The following COL27A1 variants were observed in gnomAD, a reference collection of about 807,000 sequenced individuals.
COL27A1 encodes the protein collagen alpha-1(XXVII) chain.
Under a neutral mutation model 251.3 loss-of-function variants are expected in COL27A1, and 106 were observed. The ratio of observed to expected loss-of-function variants is 0.42; its 90% CI spans 0.36 to 0.50. The LOEUF (loss-of-function observed/expected upper bound fraction) is 0.50. Among genes scored for constraint, COL27A1 ranks in the 20% least tolerant of loss-of-function variants. COL27A1 has a pLI of 0.00. For synonymous variants in COL27A1, 1,000 were observed against 986.3 expected, an observed-to-expected ratio of 1.01 and a Z score of -0.26; for missense variants, 2,325 against 2,522.8, an observed-to-expected ratio of 0.92 and a Z score of 1.68.
chr9:114,154,176 C>T (rs965986375), upstream of COL27A1, among the ~76,000 whole-genome samples: 5 of 151,998 alleles, frequency 3.3e-5, no homozygotes, highest in African/African-American at 1.2e-4. This position sits in a 1 kb window ranked among gnomAD's most constrained non-coding sequence, Gnocchi z 5.8. Flanking sequence ...CGAGCGCAGG[C>T]GGACCGGGTC....
At chr9:114,309,209 G>T (rs748337525) in intron 59 of COL27A1, 51 bp from the exon 60 acceptor site, 39 of 1,483,060 alleles carry the variant, frequency 2.6e-5, no homozygotes, top group East Asian at 1.1e-4. Flanking sequence ...CCCTCGGTGT[G>T]GGGGGTGTGG....
intron 5 of COL27A1, 66 bp downstream of exon 5, chr9:114,183,141 T>A (rs1828065022): frequency 1.1e-5 from 16 of 1,464,470 alleles, no homozygotes; most frequent in Non-Finnish European, 1.5e-5. Flanking sequence ...TTGCAGTGCT[T>A]CCCAGGGGTG....
intron 49 of COL27A1, among the ~76,000 whole-genome samples, chr9:114,296,455 T>C (rs1828263698): frequency 2.0e-5 from 3 of 152,226 alleles, no homozygotes; most frequent in African/African-American, 7.2e-5. Context: ...GAGAAAAAGA[T>C]TAATATCATT....
chr9:114,207,036 G>A (rs1830015150), intron 10 of COL27A1, among the ~76,000 whole-genome samples: 1 of 152,148 alleles, frequency 6.6e-6, no homozygotes, highest in East Asian at 1.9e-4. Context: ...GGTTCATGGC[G>A]GGGCCTGGAT....
intron 2 of COL27A1, among the ~76,000 whole-genome samples, chr9:114,165,827 T>TTTCC (rs1554785940): frequency 7.4e-6 from 1 of 135,734 alleles, no homozygotes; most frequent in African/African-American, 2.8e-5. Context: ...AGGCATTATT[T>TTTCC]ATCCATCCAT....
intron 24 of COL27A1, among the ~76,000 whole-genome samples, chr9:114,247,893 A>G (rs1480126907): frequency 6.6e-6 from 1 of 151,412 alleles, no homozygotes; most frequent in Non-Finnish European, 1.5e-5. Flanking sequence ...CACAGTTTTT[A>G]GCATTATAAT....
intron 3 of COL27A1, among the ~76,000 whole-genome samples, chr9:114,173,112 G>T (rs1158650355): frequency 1.3e-5 from 2 of 151,912 alleles, no homozygotes; most frequent in Non-Finnish European, 2.9e-5. Context: ...GCCCCAGGAG[G>T]GGGGAACATG....
At position 114,168,292 on chromosome 9, in the gene COL27A1, T is replaced by A; in HGVS notation, c.737T>A (p.Leu246Gln). Residue 246 changes from leucine to glutamine, a missense_variant, in exon 3 of 61, where the codon CTG becomes CAG. Physicochemically the swap from Leu to Gln is moderately radical, Grantham distance 113 (BLOSUM62 -2). Around this residue, in one of 4 missense-constraint regions of COL27A1, gnomAD observed 1,183 missense variants for 1,144.1 expected, o/e 1.03. Transcript: ENST00000356083. The stretch of plus-strand genomic sequence containing the variant: ...CAGGCTGACACGTACCAGTCCCCAC[T>A]GGGACCTCTCTTCTCCCAAGACTCT... ...CGQADTYQSP[L>Q]GPLFSQDSGR... 1 of 1,613,626 alleles carries A rather than the reference T, an allele frequency of 6.2e-7. No individual in the cohort carries two copies. The highest frequency in any genetic ancestry group is 8.5e-7 in the Non-Finnish European group (1 of 1,180,016).
intron 60 of COL27A1, among the ~76,000 whole-genome samples, chr9:114,310,113 A>T (rs1291416070): frequency 6.6e-6 from 1 of 152,312 alleles, no homozygotes; most frequent in East Asian, 1.9e-4. Context: ...GAATTTGAGG[A>T]CTTAGGGAAA....
intron 36 of COL27A1, chr9:114,273,376 C>T (rs16927768): frequency 0.16 from 24,914 of 152,224 alleles, 2,240 homozygotes; most frequent in African/African-American, 0.2. Flanking sequence ...TTGGCCCACG[C>T]CTCAGCTCGG....
rs1827340445 is a variant in COL27A1, at chr9:114,284,755, C to T, written c.3965C>T (p.Pro1322Leu). ...GHKGIVGPLG[P>L]PGPKGEKGEQ... ...AAAGGCATTGTGGGACCCCTTGGAC[C>T]TCCTGGACCAAAAGGCGAAAAGGTG... The change falls in exon 41 of 61, where the codon CCT becomes CTT. Residue 1322 changes from proline (P) to leucine (L), a missense_variant. By Grantham distance (98) the Pro-to-Leu change is moderately conservative. Coordinates refer to ENST00000356083, the MANE Select transcript of COL27A1 (RefSeq NM_032888.4). The T allele has an allele frequency of 6.2e-7, 1 of 1,614,210 alleles. No individual in the cohort carries two copies. The highest frequency in any genetic ancestry group is 1.3e-5 in the African/African-American group (1 of 75,070).
At chr9:114,303,106 A>G (rs12553004) in intron 56 of COL27A1, among the ~76,000 whole-genome samples, 12,066 of 152,294 alleles carry the variant, frequency 0.079, 635 homozygotes, top group East Asian at 0.25. Context: ...CAGGGAAAGG[A>G]AAGTGAAAAG....
chr9:114,178,708 C>A (rs557106098), intron 4 of COL27A1, among the ~76,000 whole-genome samples: 1 of 152,126 alleles, frequency 6.6e-6, no homozygotes, highest in East Asian at 1.9e-4. Context: ...CTTCCTGTTT[C>A]TGCAGGGCTC....
At chr9:114,270,346 C>T (rs1406867080) in intron 35 of COL27A1, among the ~76,000 whole-genome samples, 1 of 152,218 alleles carries the variant, frequency 6.6e-6, no homozygotes, top group Non-Finnish European at 1.5e-5. Flanking sequence ...ATGTCAAAGC[C>T]TGTCTTTAAC....
chr9:114,185,579 G>C (rs1828274436), intron 5 of COL27A1, among the ~76,000 whole-genome samples: 1 of 152,218 alleles, frequency 6.6e-6, no homozygotes, highest in African/African-American at 2.4e-5. Flanking sequence ...TGGGACCCTG[G>C]GAAGAGGGTC....
At chr9:114,306,417 C>A in intron 57 of COL27A1, 103 bp from the exon 58 acceptor site, 1 of 1,207,698 alleles carries the variant, frequency 8.3e-7, no homozygotes, top group Non-Finnish European at 1.2e-6. Context: ...GACCGTGGAA[C>A]CGAGATACCT....
chr9:114,189,534 G>A (rs962302773), intron 5 of COL27A1, among the ~76,000 whole-genome samples: 1 of 152,008 alleles, frequency 6.6e-6, no homozygotes, highest in African/African-American at 2.4e-5. Flanking sequence ...AAACGCTTGG[G>A]ATTTTTACTG....
intron 7 of COL27A1, among the ~76,000 whole-genome samples, chr9:114,203,351 A>G (rs566952909): frequency 5.3e-5 from 8 of 152,200 alleles, no homozygotes; most frequent in African/African-American, 1.4e-4. Context: ...CGCTTTACAC[A>G]CTTTCTATCC....
rs1366888637 is a variant in COL27A1 at position 114,264,358 on chromosome 9, C to A, written c.3199C>A (p.Pro1067Thr). The change falls in exon 29 of 61, where the codon CCC becomes ACC. Residue 1067 changes from proline to threonine, a missense_variant. Pro to Thr is a conservative substitution (Grantham distance 38, BLOSUM62 -1). This residue lies in a region of COL27A1 where 662 missense variants were observed against 795.3 expected (regional missense o/e 0.83). Coordinates refer to ENST00000356083, the MANE Select transcript of COL27A1 (RefSeq NM_032888.4). ...GMRGAKGRRG[P>T]RGPDGPAGEQ... ...TAGTCCCTTTTTCCTATTCCAGGGC[C>A]CCCGAGGACCGGACGGACCAGCTGG... is the stretch of plus-strand genomic sequence containing the variant. 2 of 1,595,074 alleles carry A rather than the reference C, an allele frequency of 1.3e-6. No individual in the cohort carries two copies. Among genetic ancestry groups the A allele is most frequent in the African/African-American group, 2.7e-5 (2 of 74,614 alleles).
Sources: gnomAD v4.1 joint callset for allele counts (sites outside exome capture counted in the v4.1 genomes callset) on GRCh38, gnomAD v4.1.1 for gene constraint, gnomAD v4.1.1 regional missense constraint, Gnocchi (gnomAD v3.1) non-coding constraint, MANE v1.5 for transcripts, NCBI Gene and HGNC (gene_info 2026-07-23, HGNC 2026-07-21) for gene names.